The following SH3PXD2B variants were observed in gnomAD, a reference collection of about 807,000 sequenced individuals.
The protein encoded by SH3PXD2B is SH3 and PX domains 2B.
In SH3PXD2B, 37 loss-of-function variants were observed where a neutral mutation model predicts 73.1. That is an observed-to-expected ratio of 0.51 (90% confidence interval 0.39 to 0.67). The LOEUF is 0.67. SH3PXD2B is among the 30% of genes least tolerant of loss of function. The pLI is 0.00. For missense variants in SH3PXD2B, 1,053 were observed against 1,197.8 expected, an observed-to-expected ratio of 0.88 and a Z score of 1.78; for synonymous variants, 457 against 480.5, an observed-to-expected ratio of 0.95 and a Z score of 0.64.
chr5:172,439,293 C>CAAAAAAAAAAAAAAAAAAAA (rs1233319484), intron 1 of SH3PXD2B, among the ~76,000 whole-genome samples: 1 of 61,588 alleles, frequency 1.6e-5, no homozygotes, highest in African/African-American at 8.3e-5. Flanking sequence ...AAAAAAAAAC[C>CAAAAAAAAAAAAAAAAAAAA]CCAAAAAAAA....
chr5:172,433,465 A>G (rs1759299887), intron 1 of SH3PXD2B, among the ~76,000 whole-genome samples: 1 of 152,156 alleles, frequency 6.6e-6, no homozygotes, highest in Non-Finnish European at 1.5e-5. Flanking sequence ...TTCTTTTACA[A>G]TCAGAAAAAA....
chr5:172,386,400 G>C (rs1032941696), intron 4 of SH3PXD2B, among the ~76,000 whole-genome samples: 7 of 152,104 alleles, frequency 4.6e-5, no homozygotes, highest in Non-Finnish European at 8.8e-5. Context: ...CTTGGCTAGG[G>C]AGAAGGTTCA....
intron 1 of SH3PXD2B, among the ~76,000 whole-genome samples, chr5:172,437,064 C>T (rs1196454008): frequency 6.6e-6 from 1 of 152,108 alleles, no homozygotes; most frequent in Non-Finnish European, 1.5e-5. Context: ...GGCTGGGTTG[C>T]AGATGGCTTG....
rs924026448 is a variant in SH3PXD2B, at chr5:172,335,740, G to A, written c.*2629C>T. ...TGGATGGGGTAAATCTAAGTCCCCA[G>A]GCAAGGACAGCTAGGAGAGTGACTG... On this transcript the variant is annotated 3_prime_UTR_variant, in exon 13 of 13. Coordinates refer to ENST00000311601, the MANE Select transcript of SH3PXD2B (RefSeq NM_001017995.3). 1 of 1,231,234 alleles carries A rather than the reference G, an allele frequency of 8.1e-7. No homozygotes were observed. The highest frequency in any genetic ancestry group is 1.0e-6 in the Non-Finnish European group (1 of 987,790). 76.3% of individuals were successfully genotyped at this position (1,231,234 alleles called of 1,614,324 possible).
intron 2 of SH3PXD2B, among the ~76,000 whole-genome samples, chr5:172,420,281 C>T (rs7703091): frequency 0.042 from 6,353 of 152,284 alleles, 276 homozygotes; most frequent in African/African-American, 0.11. Flanking sequence ...TTATTGCATA[C>T]TGAACACAAA....
intron 10 of SH3PXD2B, among the ~76,000 whole-genome samples, chr5:172,348,707 CTATTTATT>C (rs5873318): frequency 1.9e-3 from 72 of 38,006 alleles, no homozygotes; most frequent in African/African-American, 4.1e-3. Context: ...ATCTATCTAT[CTATTTATT>C]TATTTTTGAG....
Position 172,373,655 on chromosome 5 carries a change from C to T in SH3PXD2B, c.427+135G>A, listed in dbSNP as rs965601576. The T allele has an allele frequency of 5.0e-6, 5 of 993,162 alleles. No individual in the cohort carries two copies. The Admixed American group carries it at 1.1e-4, about 22-fold the overall frequency. The allele number at this position is 993,162 out of a possible 1,614,324, so 61.5% of individuals were successfully genotyped here. A position where few individuals can be genotyped will look rare whatever the true frequency, so the allele number is the denominator to read the frequency against. ...GTTCAGCCACCCCTCCTTCCCTTCC[C>T]TCCCTCCTGCCAACCATCCACCCAT... On this transcript the variant is annotated intron_variant, in intron 6 of 12. Transcript: ENST00000311601.
At chr5:172,375,683 AC>A (rs2113357814) in intron 5 of SH3PXD2B, among the ~76,000 whole-genome samples, 1 of 152,278 alleles carries the variant, frequency 6.6e-6, no homozygotes, top group South Asian at 2.1e-4. Context: ...ATGTATCAGC[AC>A]TTCATTCCTT....
At chr5:172,407,027 G>A (rs978614329) in intron 2 of SH3PXD2B, among the ~76,000 whole-genome samples, 8 of 152,182 alleles carry the variant, frequency 5.3e-5, no homozygotes, top group African/African-American at 1.7e-4. Flanking sequence ...AAAGCTTCAG[G>A]GACTTCATGT....
Position 172,353,182 on chromosome 5 carries a change from A to G in SH3PXD2B, c.785+706T>C, listed in dbSNP as rs1757196213. ...AATGAATGAATGAATGCAGTGCTAC[A>G]TGCTCAGCCTCCTGGAAATGGCCCG... On this transcript the variant is annotated intron_variant, in intron 9 of 12. Transcript: ENST00000311601. This position sits in a 1 kb window ranked among gnomAD's most constrained non-coding sequence, Gnocchi z 4.3. Among the ~76,000 whole-genome samples, 1 of 152,194 alleles carries G rather than the reference A, an allele frequency of 6.6e-6. No individual in the cohort carries two copies. Among genetic ancestry groups the G allele is most frequent in the Non-Finnish European group, 1.5e-5 (1 of 68,028 alleles).
chr5:172,332,521 C>G (rs944984072), downstream of SH3PXD2B, among the ~76,000 whole-genome samples: 1 of 151,886 alleles, frequency 6.6e-6, no homozygotes, highest in African/African-American at 2.4e-5. Flanking sequence ...GCCTTGGCCT[C>G]CCAAAGTGCT....
intron 3 of SH3PXD2B, among the ~76,000 whole-genome samples, chr5:172,396,675 G>A (rs558312424): frequency 6.7e-5 from 10 of 150,074 alleles, no homozygotes; most frequent in Non-Finnish European, 8.9e-5. Flanking sequence ...GGCTGGGTGC[G>A]GTGGCTCACG....
rs533924431 is a variant in SH3PXD2B, at chr5:172,382,189, G to C, written c.310-62C>G. 1.9e-5 allele frequency: 25 copies of C among 1,342,872 alleles called. 1 individual carries two copies. The South Asian group carries it at 3.0e-4, about 16-fold the overall frequency. 83.2% of individuals were successfully genotyped at this position (1,342,872 alleles called of 1,614,324 possible). A position where few individuals can be genotyped will look rare whatever the true frequency, so the allele number is the denominator to read the frequency against. On this transcript the variant is annotated intron_variant, in intron 4 of 12. Transcript: ENST00000311601. ...GAGGGGGCTGAGCATGGTGGCACGC[G>C]CCTATAATCCCAGCTACTCGGGAGG...
chr5:172,402,194 G>A (rs1047777430), intron 3 of SH3PXD2B, among the ~76,000 whole-genome samples: 6 of 152,178 alleles, frequency 3.9e-5, no homozygotes, highest in African/African-American at 1.4e-4. Context: ...ATGGTTGTAT[G>A]TAAGGGATGA....
chr5:172,345,053 A>AAGGAAGGAGGAAGG (rs369210273), intron 12 of SH3PXD2B, among the ~76,000 whole-genome samples: 1 of 145,588 alleles, frequency 6.9e-6, no homozygotes, highest in Non-Finnish European at 1.5e-5. Flanking sequence ...AAGGAAAACA[A>AAGGAAGGAGGAAGG]AGGAAGGAGG....
intron 12 of SH3PXD2B, among the ~76,000 whole-genome samples, chr5:172,326,915 G>A (rs1756456198): frequency 6.9e-6 from 1 of 145,034 alleles, no homozygotes. Flanking sequence ...GGTGTGAAGT[G>A]GCACGATCTT....
At chr5:172,381,969 G>T in intron 5 of SH3PXD2B, 67 bp downstream of exon 5, 1 of 1,277,832 alleles carries the variant, frequency 7.8e-7, no homozygotes, top group South Asian at 1.3e-5. Flanking sequence ...CTTTACTTGG[G>T]GGTGGCTGGA....
intron 7 of SH3PXD2B, among the ~76,000 whole-genome samples, 174 bp downstream of exon 7, chr5:172,362,561 G>A (rs573120111): frequency 1.1e-3 from 162 of 152,302 alleles, no homozygotes; most frequent in African/African-American, 3.8e-3. Context: ...GTGGCCAGGT[G>A]GGATATTCAA....
intron 12 of SH3PXD2B, among the ~76,000 whole-genome samples, chr5:172,340,863 G>T (rs528450329): frequency 6.6e-6 from 1 of 152,172 alleles, no homozygotes; most frequent in Admixed American, 6.6e-5. Flanking sequence ...CCAAAGTTCT[G>T]GGATTACAGG....
Sources: allele counts gnomAD v4.1 joint callset (sites outside exome capture counted in the v4.1 genomes callset), GRCh38; gene constraint gnomAD v4.1.1; non-coding constraint Gnocchi (gnomAD v3.1); transcripts MANE v1.5; gene names NCBI Gene and HGNC (gene_info 2026-07-23, HGNC 2026-07-21).